FBXL4: variants seen among roughly 807,000 people sequenced by gnomAD.
FBXL4 encodes F-box and leucine rich repeat protein 4.
Under a neutral mutation model 58.9 loss-of-function variants are expected in FBXL4, and 40 were observed. That is an observed-to-expected ratio of 0.68 (90% CI 0.53 to 0.88). The LOEUF (loss-of-function observed/expected upper bound fraction) is 0.88, where lower values mean the gene tolerates loss of function less well. Among genes scored for constraint, FBXL4 ranks in the 40% least tolerant of loss-of-function variants. The probability of loss-of-function intolerance (pLI) is 0.00; values close to 1 mark genes in which losing one functional copy is unlikely to be tolerated. For missense variants in FBXL4, 676 were observed against 734.4 expected (o/e 0.92, Z 0.92); for synonymous variants, 263 against 265.5 (o/e 0.99, Z 0.09).
intron 5 of FBXL4, among the ~76,000 whole-genome samples, chr6:98,914,795 CAT>C (rs1407567776): frequency 6.6e-6 from 1 of 152,150 alleles, no homozygotes; most frequent in African/African-American, 2.4e-5. Context: ...TCCTATTCAA[CAT>C]AGTGTTGGAA....
In FBXL4 at chr6:98,905,596, G is replaced by A. The variant is rs778207313; in HGVS notation, c.933C>T (p.Ser311=). The change falls in exon 6 of 10, where the codon AGC becomes AGT. Residue 311 remains serine, a synonymous_variant. Transcript: ENST00000369244. Reference sequence around the variant, plus strand: ...ATTGCAGAGGATCACAGCAATGCTGGCTCAGTAGTTTGCAAGTCTGTGCTA... The same window carrying A: ...ATTGCAGAGGATCACAGCAATGCTGACTCAGTAGTTTGCAAGTCTGTGCTA... ...CRLAQTCKLL[S]QHCCDPLQYI... is the part of the protein sequence containing the mutation. 1 of 1,612,970 alleles carries A rather than the reference G, an allele frequency of 6.2e-7. No individual in the cohort carries two copies. Among genetic ancestry groups the A allele is most frequent in the East Asian group, 2.2e-5 (1 of 44,768 alleles).
chr6:98,898,793 T>A, intron 7 of FBXL4: 2 of 985,296 alleles, frequency 2.0e-6, no homozygotes, highest in Non-Finnish European at 2.4e-6. Context: ...CTAGAGATAT[T>A]AGTGAAAAAG....
chr6:98,920,819 T>TACACACACACACAC (rs10633715), intron 4 of FBXL4, among the ~76,000 whole-genome samples: 1 of 144,834 alleles, frequency 6.9e-6, no homozygotes, highest in Non-Finnish European at 1.5e-5. Flanking sequence ...TACACACACA[T>TACACACACACACAC]ACACACACAC....
chr6:98,932,910 G>GAAAAAAAAAAAAAAA (rs572882559), intron 2 of FBXL4, among the ~76,000 whole-genome samples: 2 of 101,744 alleles, frequency 2.0e-5, no homozygotes, highest in Non-Finnish European at 2.1e-5. Flanking sequence ...TGAAGTCATA[G>GAAAAAAAAAAAAAAA]AAAAAAAAAA....
intron 7 of FBXL4, among the ~76,000 whole-genome samples, chr6:98,883,771 CCAA>C (rs773946870): frequency 4.6e-5 from 7 of 151,020 alleles, no homozygotes; most frequent in Admixed American, 2.0e-4. Flanking sequence ...ATTCCCTGCA[CCAA>C]CATTTCTGTC....
chr6:98,901,628 T>C (rs1771615470), intron 6 of FBXL4, among the ~76,000 whole-genome samples: 1 of 152,130 alleles, frequency 6.6e-6, no homozygotes, highest in Non-Finnish European at 1.5e-5. Context: ...GATTATTTAA[T>C]ATCCTCATAT....
intron 9 of FBXL4, 183 bp downstream of exon 9, chr6:98,875,232 A>G (rs775830727): frequency 1.7e-5 from 11 of 628,752 alleles, no homozygotes; most frequent in Non-Finnish European, 3.1e-5. Flanking sequence ...TTATTAAAGT[A>G]CATATATAAT....
At chr6:98,928,529 C>G (rs62423595) in intron 2 of FBXL4, among the ~76,000 whole-genome samples, 4 of 151,978 alleles carry the variant, frequency 2.6e-5, no homozygotes. Context: ...AGGGTTTCAC[C>G]ATGTTAGCAA....
At chr6:98,929,740 T>C (rs1772939840) in intron 2 of FBXL4, among the ~76,000 whole-genome samples, 1 of 151,938 alleles carries the variant, frequency 6.6e-6, no homozygotes, top group African/African-American at 2.4e-5. Flanking sequence ...AAGACACAGG[T>C]CACAGTTGGA....
intron 1 of FBXL4, among the ~76,000 whole-genome samples, chr6:98,939,687 A>G (rs1311907997): frequency 6.6e-6 from 1 of 152,200 alleles, no homozygotes; most frequent in Non-Finnish European, 1.5e-5. Flanking sequence ...TTTTGCTTGT[A>G]ATGTCATGAC....
At chr6:98,875,302 G>T (rs753901284) in intron 9 of FBXL4, 113 bp downstream of exon 9, 1 of 909,850 alleles carries the variant, frequency 1.1e-6, no homozygotes, top group Non-Finnish European at 1.8e-6. Flanking sequence ...ATCTTATCAG[G>T]ATAAAATTTT....
intron 7 of FBXL4, among the ~76,000 whole-genome samples, chr6:98,883,494 C>G (rs1770922733): frequency 6.6e-6 from 1 of 151,566 alleles, no homozygotes; most frequent in East Asian, 1.9e-4. Context: ...CCAAAAAGTT[C>G]TTCTTTAGCT....
chr6:98,920,881 AATT>A (rs1772557915), intron 4 of FBXL4, among the ~76,000 whole-genome samples: 1 of 151,320 alleles, frequency 6.6e-6, no homozygotes, highest in Non-Finnish European at 1.5e-5. Flanking sequence ...CAACTCTTTT[AATT>A]CTCTAGCCCC....
chr6:98,911,747 CTG>C (rs1197712351), intron 5 of FBXL4, among the ~76,000 whole-genome samples: 1 of 152,130 alleles, frequency 6.6e-6, no homozygotes. Flanking sequence ...AGCAGAAAAA[CTG>C]GAAACTCTAA....
At chr6:98,928,884 CTCT>C (rs1267299180) in intron 2 of FBXL4, among the ~76,000 whole-genome samples, 1 of 152,162 alleles carries the variant, frequency 6.6e-6, no homozygotes, top group Non-Finnish European at 1.5e-5. Context: ...GTCTCGCTTC[CTCT>C]ATCATTTCTT....
In FBXL4 at chr6:98,934,398, CA is replaced by C. The variant is rs538726586; in HGVS notation, c.-191+363del. 5.9e-3 allele frequency among the ~76,000 whole-genome samples: 642 copies of C among 108,594 alleles called. 3 individuals carry two copies. The highest frequency in any genetic ancestry group is 0.017 in the African/African-American group (496 of 29,002). The allele number at this position is 108,594 out of a possible 152,430, so 71.2% of individuals were successfully genotyped here. A position where few individuals can be genotyped will look rare whatever the true frequency, so the allele number is the denominator to read the frequency against. On this transcript the variant is annotated intron_variant, in intron 2 of 9. Coordinates refer to ENST00000369244, the MANE Select transcript of FBXL4 (RefSeq NM_001278716.2). ...TGAGCAACAGAGTGAGACTCCGTCT[CA>C]AAAAAAAAAAAGAGAGAGAGAGACA... is the stretch of plus-strand genomic sequence containing the variant.
intron 4 of FBXL4, among the ~76,000 whole-genome samples, chr6:98,920,334 T>C (rs1772531095): frequency 6.6e-6 from 1 of 152,164 alleles, no homozygotes; most frequent in African/African-American, 2.4e-5. Context: ...TATTTTAGCA[T>C]CATTCTTGCT....
chr6:98,943,236 T>A (rs993518883), intron 1 of FBXL4, among the ~76,000 whole-genome samples: 93 of 151,970 alleles, frequency 6.1e-4, no homozygotes, highest in African/African-American at 2.0e-3. Context: ...TCTACAATGA[T>A]CTTTTTTAAA....
At chr6:98,889,778 A>C (rs895291718) in intron 7 of FBXL4, among the ~76,000 whole-genome samples, 5 of 152,112 alleles carry the variant, frequency 3.3e-5, no homozygotes, top group Non-Finnish European at 7.4e-5. Flanking sequence ...TGCAGATATG[A>C]AGTGCCATTC....
Sources: allele counts gnomAD v4.1 joint callset (sites outside exome capture counted in the v4.1 genomes callset), GRCh38; gene constraint gnomAD v4.1.1; transcripts MANE v1.5; gene names NCBI Gene and HGNC (gene_info 2026-07-23, HGNC 2026-07-21).